CROCC: variants seen among roughly 807,000 people sequenced by gnomAD.
The protein encoded by CROCC is ciliary rootlet coiled-coil, rootletin, also known as rootletin.
A neutral mutation model predicts 245.2 loss-of-function variants in CROCC; 180 were observed. The ratio of observed to expected loss-of-function variants is 0.73; its 90% CI spans 0.65 to 0.83. CROCC has a LOEUF of 0.83. Ranked by LOEUF, CROCC falls within the 40% of genes least tolerant of loss-of-function variation. The pLI, the probability that CROCC is intolerant of heterozygous loss-of-function variation, is 0.00. For synonymous variants in CROCC, 1,205 were observed against 1,241.6 expected (o/e 0.97, Z 0.62); for missense variants, 2,688 against 2,779.4 (o/e 0.97, Z 0.74).
chr1:16,945,880 G>A (rs1450182157), intron 15 of CROCC, among the ~76,000 whole-genome samples: 1 of 152,286 alleles, frequency 6.6e-6, no homozygotes, highest in Non-Finnish European at 1.5e-5. Flanking sequence ...GGGTCATCCA[G>A]TGCCTGAGAC....
chr1:16,945,723 C>G, intron 15 of CROCC, 117 bp downstream of exon 15: 3 of 1,083,190 alleles, frequency 2.8e-6, no homozygotes, highest in Non-Finnish European at 4.0e-6. Flanking sequence ...TGGTCACAGA[C>G]TGACCCCTTC....
intron 2 of CROCC, 125 bp downstream of exon 2, chr1:16,922,923 T>A (rs780934325): frequency 2.2e-6 from 3 of 1,389,750 alleles, no homozygotes; most frequent in Non-Finnish European, 2.9e-6. Context: ...CACAGCTTTA[T>A]GACAGAAGAA....
rs1185147351 is a variant in CROCC, at chr1:16,971,043, G to A, written c.5784+276G>A. On this transcript the variant is annotated intron_variant, in intron 35 of 36. Transcript: ENST00000375541. ...CCATGTGACGATTCTTGTGTATGGA[G>A]CATGAATCTTGTGCATGGTGTGGCG... 1.8e-5 allele frequency: 8 copies of A among 453,730 alleles called. No individual in the cohort carries two copies. The South Asian group carries it at 2.7e-4, about 15-fold the overall frequency. The allele number at this position is 453,730 out of a possible 1,614,324, so 28.1% of individuals were successfully genotyped here.
intron 36 of CROCC, among the ~76,000 whole-genome samples, chr1:16,972,159 C>G (rs1486042258): frequency 6.6e-6 from 1 of 152,146 alleles, no homozygotes; most frequent in African/African-American, 2.4e-5. Context: ...TGGAGTTGCC[C>G]TCAAAGGTGC....
chr1:16,969,377 G>C, intron 32 of CROCC, 37 bp downstream of exon 32: 1 of 1,573,850 alleles, frequency 6.4e-7, no homozygotes, highest in Non-Finnish European at 8.6e-7. Flanking sequence ...TGGGCCCAGT[G>C]AGAGAGTCAG....
chr1:16,966,344 G>T lies in CROCC; in HGVS notation c.4697-64G>T, dbSNP rs1443778657. 4.1e-6 allele frequency: 6 copies of T among 1,468,358 alleles called. No homozygotes were observed. In the African/African-American group the frequency reaches 4.2e-5, roughly 10 times the overall value. 91.0% of individuals were successfully genotyped at this position (1,468,358 alleles called of 1,614,324 possible). ...GGGTGGAGTGCAGGCTGGACATTTT[G>T]TGACCTGGTTTGGGTCTCGGGGCTG... On this transcript the variant is annotated intron_variant, in intron 29 of 36. Coordinates refer to ENST00000375541, the MANE Select transcript of CROCC (RefSeq NM_014675.5). The surrounding 1 kb of genome is among the most constrained non-coding windows in gnomAD (Gnocchi z 4.8).
chr1:16,934,552 C>A (rs1557592095), intron 8 of CROCC, among the ~76,000 whole-genome samples: 1 of 152,266 alleles, frequency 6.6e-6, no homozygotes, highest in African/African-American at 2.4e-5. Context: ...GTGCACCTGC[C>A]TTGGCCTCCG....
chr1:16,971,723 C>A, intron 36 of CROCC, 76 bp downstream of exon 36: 1 of 1,352,622 alleles, frequency 7.4e-7, no homozygotes, highest in Non-Finnish European at 9.7e-7. Context: ...CCAATCAAGA[C>A]CTTGTGGGTA....
Position 16,967,213 on chromosome 1 carries a change from G to A in CROCC, c.4860+642G>A, listed in dbSNP as rs570712940. Among the ~76,000 whole-genome samples, 9 of 152,278 alleles carry A rather than the reference G, an allele frequency of 5.9e-5. No homozygotes were observed. The East Asian group carries it at 1.7e-3, about 29-fold the overall frequency. On this transcript the variant is annotated intron_variant, in intron 30 of 36. Coordinates refer to ENST00000375541, the MANE Select transcript of CROCC (RefSeq NM_014675.5). ...TCTTATCACAGGTGGTACTCAGGGG[G>A]CCTCTGTTTTATGTCTCTGTAGTTC...
chr1:16,970,035 C>T (rs911695739), intron 33 of CROCC, 101 bp downstream of exon 33: 4 of 1,407,220 alleles, frequency 2.8e-6, no homozygotes, highest in Non-Finnish European at 1.9e-6. Flanking sequence ...AACCCTGGTG[C>T]AGCCTCCAGT....
chr1:16,940,786 G>C, intron 13 of CROCC: 1 of 287,552 alleles, frequency 3.5e-6, no homozygotes, highest in South Asian at 2.9e-5. Context: ...GGGCACAATT[G>C]GTCCATCACA....
At chr1:16,928,257 G>T (rs1233871190) in intron 3 of CROCC, among the ~76,000 whole-genome samples, 1 of 152,280 alleles carries the variant, frequency 6.6e-6, no homozygotes, top group Admixed American at 6.5e-5. Context: ...AGGTGCCCTT[G>T]ACCCACTGTG....
At chr1:16,967,261 G>A (rs1256847315) in intron 30 of CROCC, among the ~76,000 whole-genome samples, 2 of 152,096 alleles carry the variant, frequency 1.3e-5, no homozygotes, top group African/African-American at 2.4e-5. Flanking sequence ...GTGTGTTTGG[G>A]GGACAGCTAT....
intron 30 of CROCC, among the ~76,000 whole-genome samples, chr1:16,967,616 C>T (rs1423101170): frequency 6.6e-6 from 1 of 152,062 alleles, no homozygotes; most frequent in African/African-American, 2.4e-5. Context: ...TCTAATAACA[C>T]CCCCTGTTGA....
Position 16,946,778 on chromosome 1 carries a change from C to A in CROCC, c.2301C>A (p.Ser767=). The A allele has an allele frequency of 6.4e-7, 1 of 1,551,598 alleles. No individual in the cohort carries two copies. Among genetic ancestry groups the A allele is most frequent in the Non-Finnish European group, 8.7e-7 (1 of 1,147,084 alleles). Residue 767 remains serine, a synonymous_variant, in exon 17 of 37, where the codon TCC becomes TCA. Coordinates refer to ENST00000375541, the MANE Select transcript of CROCC (RefSeq NM_014675.5). ...RLVAQLEEEK[S]ALQGRQRQAE... is the part of the protein sequence containing the mutation. The stretch of plus-strand genomic sequence containing the variant: ...GCCTCCAGCTGGAGGAAGAAAAGTC[C>A]GCCCTGCAGGGCCGGCAACGGCAGG...
chr1:16,964,095 C>T (rs956804121), intron 27 of CROCC, among the ~76,000 whole-genome samples: 2 of 151,534 alleles, frequency 1.3e-5, no homozygotes, highest in African/African-American at 2.4e-5. Context: ...GCCACCGTGC[C>T]GGGCCCACTT....
At position 16,972,505 on chromosome 1, in the gene CROCC, T is replaced by C; in HGVS notation, c.*59T>C. 1 of 1,205,934 alleles carries C rather than the reference T, an allele frequency of 8.3e-7. No homozygotes were observed. The highest frequency in any genetic ancestry group is 1.2e-6 in the Non-Finnish European group (1 of 868,866). The allele number at this position is 1,205,934 out of a possible 1,614,324, so 74.7% of individuals were successfully genotyped here. ...CTGGGACAGGGGAGGACCCTTCTTT[T>C]GGACAGCCCCCCCACCCAGAGCCCG... On this transcript the variant is annotated 3_prime_UTR_variant, in exon 37 of 37. Transcript: ENST00000375541.
intron 3 of CROCC, among the ~76,000 whole-genome samples, chr1:16,929,041 G>C (rs2075602234): frequency 6.6e-6 from 1 of 152,216 alleles, no homozygotes; most frequent in Non-Finnish European, 1.5e-5. Context: ...TAGCCAGGCT[G>C]GTCTTGAACC....
rs2076425764 is a variant in CROCC, at chr1:16,966,799, C to T, written c.4860+228C>T. On this transcript the variant is annotated intron_variant, in intron 30 of 36. Transcript: ENST00000375541. This position sits in a 1 kb window ranked among gnomAD's most constrained non-coding sequence, Gnocchi z 4.8. ...CTTGGTCAAGGTGCAGTAGCTCATG[C>T]CTGTAATCCTAGCACTTTGGGAGGT... 1.3e-5 allele frequency among the ~76,000 whole-genome samples: 2 copies of T among 152,172 alleles called. No homozygotes were observed. The highest frequency in any genetic ancestry group is 2.9e-5 in the Non-Finnish European group (2 of 68,036).
Sources: gnomAD v4.1 joint callset for allele counts (sites outside exome capture counted in the v4.1 genomes callset) on GRCh38, gnomAD v4.1.1 for gene constraint, Gnocchi (gnomAD v3.1) non-coding constraint, MANE v1.5 for transcripts, NCBI Gene and HGNC (gene_info 2026-07-23, HGNC 2026-07-21) for gene names.